The following IL1RAPL1 variants were observed in gnomAD, a reference collection of about 807,000 sequenced individuals.
IL1RAPL1 encodes interleukin 1 receptor accessory protein like 1.
Under a neutral mutation model 48.4 loss-of-function variants are expected in IL1RAPL1, and 3 were observed. The observed-to-expected ratio is 0.06, with a 90% CI of 0.03 to 0.16. The LOEUF (loss-of-function observed/expected upper bound fraction) is 0.16, where lower values mean the gene tolerates loss of function less well. Ranked by LOEUF, IL1RAPL1 falls within the 10% of genes least tolerant of loss-of-function variation. IL1RAPL1 has a pLI of 1.00. For missense variants in IL1RAPL1, 349 were observed against 530.6 expected (o/e 0.66, Z 3.36); for synonymous variants, 185 against 187.7 (o/e 0.99, Z 0.12).
At chrX:29,129,966 T>C (rs1928986708) in intron 2 of IL1RAPL1, among the ~76,000 whole-genome samples, 1 of 111,506 alleles carries the variant, frequency 9.0e-6, no homozygotes, top group South Asian at 3.7e-4. Context: ...ATATTTTCTA[T>C]ATTTATTTGA....
At chrX:28,674,547 T>C (rs1444510665) in intron 1 of IL1RAPL1, among the ~76,000 whole-genome samples, 1 of 111,816 alleles carries the variant, frequency 8.9e-6, no homozygotes, top group Non-Finnish European at 1.9e-5. Flanking sequence ...ACAATGGCCA[T>C]TTACCCTAGA....
At chrX:28,639,799 A>G (rs1211807856) in intron 1 of IL1RAPL1, among the ~76,000 whole-genome samples, 2 of 112,200 alleles carry the variant, frequency 1.8e-5, no homozygotes, top group African/African-American at 3.2e-5. Flanking sequence ...CTCAAGACAT[A>G]GGAACTGTCT....
intron 2 of IL1RAPL1, among the ~76,000 whole-genome samples, chrX:28,997,943 T>C (rs964628808): frequency 8.9e-6 from 1 of 111,881 alleles, no homozygotes; most frequent in African/African-American, 3.2e-5. Flanking sequence ...GGTTTATGAT[T>C]AGTTTGGCTA....
intron 5 of IL1RAPL1, among the ~76,000 whole-genome samples, chrX:29,399,738 G>C (rs780732568): frequency 9.2e-6 from 1 of 109,045 alleles, no homozygotes; most frequent in East Asian, 2.9e-4. Context: ...AGAATCACTC[G>C]AACCCACGAG....
intron 2 of IL1RAPL1, among the ~76,000 whole-genome samples, chrX:28,906,915 G>T (rs1923232216): frequency 8.9e-6 from 1 of 111,976 alleles, no homozygotes. Context: ...CACTTGGAAA[G>T]ATAACCTAAA....
intron 5 of IL1RAPL1, among the ~76,000 whole-genome samples, chrX:29,413,469 A>G (rs1274756960): frequency 9.2e-6 from 1 of 108,319 alleles, no homozygotes; most frequent in Non-Finnish European, 1.9e-5. Context: ...TCGTCATTTA[A>G]CATTAGGTAT....
chrX:29,022,850 T>G (rs1350050816), intron 2 of IL1RAPL1, among the ~76,000 whole-genome samples: 1 of 111,944 alleles, frequency 8.9e-6, no homozygotes, highest in Non-Finnish European at 1.9e-5. Flanking sequence ...TCTATAGGCT[T>G]CATAGAAATA....
intron 2 of IL1RAPL1, among the ~76,000 whole-genome samples, chrX:28,862,174 T>C (rs1921962891): frequency 8.9e-6 from 1 of 112,375 alleles, no homozygotes; most frequent in African/African-American, 3.2e-5. Flanking sequence ...TCAACAGATA[T>C]TCTTTAAAAC....
intron 5 of IL1RAPL1, among the ~76,000 whole-genome samples, chrX:29,571,170 C>T (rs1288744017): frequency 9.0e-6 from 1 of 110,786 alleles, no homozygotes; most frequent in Non-Finnish European, 1.9e-5. Flanking sequence ...TGCAGTGAGC[C>T]GAGATCGCGC....
intron 3 of IL1RAPL1, among the ~76,000 whole-genome samples, chrX:29,305,992 A>G (rs995693077): frequency 1.8e-5 from 2 of 112,094 alleles, no homozygotes; most frequent in Admixed American, 1.9e-4. Context: ...TAAGGATGAC[A>G]GACATCCTGA....
intron 1 of IL1RAPL1, among the ~76,000 whole-genome samples, chrX:28,591,942 T>G (rs1933911569): frequency 8.9e-6 from 1 of 112,006 alleles, no homozygotes; most frequent in African/African-American, 3.2e-5. Context: ...TATATGGAAT[T>G]ATTATTAAGG....
At chrX:28,756,024 A>G (rs982036250) in intron 1 of IL1RAPL1, among the ~76,000 whole-genome samples, 10 of 111,253 alleles carry the variant, frequency 9.0e-5, no homozygotes, top group Admixed American at 2.9e-4. Context: ...GCTATTTTTT[A>G]TACACCCTGC....
At chrX:29,586,272 A>G (rs1385086864) in intron 5 of IL1RAPL1, among the ~76,000 whole-genome samples, 1 of 111,699 alleles carries the variant, frequency 9.0e-6, no homozygotes, top group East Asian at 2.8e-4. Context: ...GTGGATATCT[A>G]GTTTCCCCAA....
chrX:29,520,177 T>C (rs1935488598), intron 5 of IL1RAPL1, among the ~76,000 whole-genome samples: 1 of 112,323 alleles, frequency 8.9e-6, no homozygotes, highest in Non-Finnish European at 1.9e-5. Flanking sequence ...ACTATTATTT[T>C]AGGCAAATAT....
At chrX:29,509,796 C>T (rs1026797893) in intron 5 of IL1RAPL1, among the ~76,000 whole-genome samples, 6 of 112,002 alleles carry the variant, frequency 5.4e-5, no homozygotes, top group African/African-American at 1.6e-4. Flanking sequence ...GATTGACCAG[C>T]GTTTTCATTA....
chrX:29,361,887 TAA>T (rs1173045015), intron 3 of IL1RAPL1, among the ~76,000 whole-genome samples: 1 of 112,411 alleles, frequency 8.9e-6, no homozygotes, highest in East Asian at 2.8e-4. Context: ...AATTGTGTGT[TAA>T]GTGTCACTCT....
At chrX:29,271,488 A>G (rs1215361774) in intron 2 of IL1RAPL1, among the ~76,000 whole-genome samples, 1 of 112,581 alleles carries the variant, frequency 8.9e-6, no homozygotes, top group Non-Finnish European at 1.9e-5. Flanking sequence ...CCAGATGTGT[A>G]TAAGCATTCC....
chrX:29,833,987 G>C (rs1050874024), intron 6 of IL1RAPL1, among the ~76,000 whole-genome samples: 15 of 112,154 alleles, frequency 1.3e-4, no homozygotes, highest in Non-Finnish European at 2.1e-4. Flanking sequence ...GATGTAGCTT[G>C]TCCTATGAAT....
intron 6 of IL1RAPL1, among the ~76,000 whole-genome samples, chrX:29,906,468 TA>T (rs1932626046): frequency 8.8e-4 from 1 of 1,130 alleles, no homozygotes; most frequent in African/African-American, 5.3e-3. Flanking sequence ...TAAATATATA[TA>T]TATATATATA....
Sources: gnomAD v4.1 joint callset for allele counts (sites outside exome capture counted in the v4.1 genomes callset) on GRCh38, gnomAD v4.1.1 for gene constraint, MANE v1.5 for transcripts, NCBI Gene and HGNC (gene_info 2026-07-23, HGNC 2026-07-21) for gene names.